PTPRM: variants seen among roughly 807,000 people sequenced by gnomAD.
PTPRM encodes the protein receptor-type tyrosine-protein phosphatase mu.
Under a neutral mutation model 186.7 loss-of-function variants are expected in PTPRM, and 47 were observed. That is an observed-to-expected ratio of 0.25 (90% CI 0.20 to 0.32). The LOEUF (loss-of-function observed/expected upper bound fraction) is 0.32, where lower values mean the gene tolerates loss of function less well. Ranked by LOEUF, PTPRM falls within the 10% of genes least tolerant of loss-of-function variation. The pLI, the probability that PTPRM is intolerant of heterozygous loss-of-function variation, is 1.00. For missense variants in PTPRM, 1,494 were observed against 1,865.0 expected, an observed-to-expected ratio of 0.80 and a Z score of 3.66; for synonymous variants, 668 against 674.9, an observed-to-expected ratio of 0.99 and a Z score of 0.16.
Position 8,291,129 on chromosome 18 carries a change from C to T in PTPRM, c.2755-5239C>T, listed in dbSNP as rs1025902856. 2.0e-5 allele frequency among the ~76,000 whole-genome samples: 3 copies of T among 152,186 alleles called. No homozygotes were observed. The East Asian group carries it at 5.8e-4, about 29-fold the overall frequency. On this transcript the variant is annotated intron_variant, in intron 19 of 32. Transcript: ENST00000580170. ...ATGCTTTTAGCCTTGGTTCCCTCAG[C>T]CATCCCTCCTGCTCTCTCTCATTGG...
At chr18:7,733,271 G>T (rs975550978) in intron 1 of PTPRM, among the ~76,000 whole-genome samples, 1 of 151,932 alleles carries the variant, frequency 6.6e-6, no homozygotes, top group African/African-American at 2.4e-5. Flanking sequence ...GGTGTGTGTT[G>T]TTCTCCTCCT....
intron 3 of PTPRM, among the ~76,000 whole-genome samples, chr18:7,902,333 A>G (rs140578341): frequency 0.013 from 1,964 of 152,294 alleles, 20 homozygotes; most frequent in South Asian, 0.033. Flanking sequence ...CTGACAAGTC[A>G]TCTTGCTGGG....
In PTPRM at chr18:8,025,122, T is replaced by C. The variant is rs188158347; in HGVS notation, c.1133-44564T>C. Among the ~76,000 whole-genome samples, 217 of 152,318 alleles carry C rather than the reference T, an allele frequency of 1.4e-3. 1 individual carries two copies. Among genetic ancestry groups the C allele is most frequent in the South Asian group, 3.5e-3 (17 of 4,824 alleles). Reference sequence around the variant, plus strand: ...TCTTTTTATATTAGACATATTTTAATGGAACATGACCCAAAATGTGCATTT... The same window carrying C: ...TCTTTTTATATTAGACATATTTTAACGGAACATGACCCAAAATGTGCATTT... On this transcript the variant is annotated intron_variant, in intron 7 of 32. Transcript: ENST00000580170.
chr18:7,616,659 C>A (rs1462264384), intron 1 of PTPRM, among the ~76,000 whole-genome samples: 1 of 152,198 alleles, frequency 6.6e-6, no homozygotes, highest in Non-Finnish European at 1.5e-5. Context: ...CGCCTCTTTC[C>A]TCTTTGTCTC....
At chr18:7,997,481 T>A (rs1282685831) in intron 7 of PTPRM, among the ~76,000 whole-genome samples, 1 of 152,124 alleles carries the variant, frequency 6.6e-6, no homozygotes, top group Admixed American at 6.6e-5. Flanking sequence ...TGGGCAAATA[T>A]TTTTTGTTAA....
intron 13 of PTPRM, among the ~76,000 whole-genome samples, chr18:8,117,682 C>T (rs2092008397): frequency 6.6e-6 from 1 of 152,078 alleles, no homozygotes; most frequent in Admixed American, 6.6e-5. Context: ...CGTTTATGCA[C>T]CTAGATGAAT....
At chr18:8,117,257 G>A (rs1168096464) in intron 13 of PTPRM, among the ~76,000 whole-genome samples, 3 of 152,186 alleles carry the variant, frequency 2.0e-5, no homozygotes, top group Non-Finnish European at 4.4e-5. Context: ...TTAAAATGTA[G>A]AAGAGTTCAA....
At chr18:8,242,816 G>T (rs1011452178) in intron 14 of PTPRM, among the ~76,000 whole-genome samples, 2 of 152,170 alleles carry the variant, frequency 1.3e-5, no homozygotes, top group Non-Finnish European at 2.9e-5. Flanking sequence ...GCCTTACATT[G>T]CATTAGCAAT....
intron 7 of PTPRM, among the ~76,000 whole-genome samples, chr18:7,977,304 G>T (rs1304084292): frequency 6.6e-6 from 1 of 152,048 alleles, no homozygotes; most frequent in African/African-American, 2.4e-5. Context: ...GGCCAGGCTG[G>T]TCTCAAACTC....
At chr18:7,951,852 C>CT (rs774004997) in intron 6 of PTPRM, among the ~76,000 whole-genome samples, 15 of 152,096 alleles carry the variant, frequency 9.9e-5, no homozygotes, top group Non-Finnish European at 2.1e-4. Flanking sequence ...TAATTTAACA[C>CT]TTTTTTATAT....
intron 1 of PTPRM, among the ~76,000 whole-genome samples, chr18:7,719,427 G>A (rs2040406254): frequency 6.6e-6 from 1 of 152,110 alleles, no homozygotes; most frequent in South Asian, 2.1e-4. Context: ...GACATATTGG[G>A]TACAGTGTAC....
At chr18:7,874,173 A>G (rs1027311808) in intron 2 of PTPRM, among the ~76,000 whole-genome samples, 2 of 152,226 alleles carry the variant, frequency 1.3e-5, no homozygotes, top group Admixed American at 6.5e-5. Flanking sequence ...ATAAAGAAGT[A>G]TCCTGAGGGA....
At chr18:8,394,433 TA>T (rs556407953) in intron 31 of PTPRM, 42 bp from the exon 32 acceptor site, 10 of 1,583,422 alleles carry the variant, frequency 6.3e-6, no homozygotes, top group South Asian at 1.2e-5. Flanking sequence ...AGATGCAGTG[TA>T]AAGACAGACC....
chr18:8,303,593 T>G (rs1423756575), intron 20 of PTPRM, among the ~76,000 whole-genome samples: 1 of 152,004 alleles, frequency 6.6e-6, no homozygotes, highest in Non-Finnish European at 1.5e-5. Context: ...CACAATATGT[T>G]TAGGAAGGCA....
rs147073875 is a variant in PTPRM, at chr18:7,860,692, A to G, written c.197-27414A>G. Among the ~76,000 whole-genome samples the G allele has an allele frequency of 8.4e-3, 1,274 of 152,318 alleles. 13 individuals carry two copies. Among genetic ancestry groups the G allele is most frequent in the African/African-American group, 0.029 (1,224 of 41,576 alleles). On this transcript the variant is annotated intron_variant, in intron 2 of 32. Coordinates refer to ENST00000580170, the MANE Select transcript of PTPRM (RefSeq NM_001105244.2). ...CTTCTATTTAGCAGAAACATTAAAAACAAGGTTTGTCCAGTATGCAGGGAA... is the reference window on the plus strand; with the variant it reads ...CTTCTATTTAGCAGAAACATTAAAAGCAAGGTTTGTCCAGTATGCAGGGAA...
chr18:8,072,542 G>C (rs1372293504), intron 8 of PTPRM, among the ~76,000 whole-genome samples: 5 of 152,032 alleles, frequency 3.3e-5, no homozygotes, highest in African/African-American at 1.2e-4. Context: ...TTCAGAAAAG[G>C]CAGAGAGAAG....
At chr18:7,700,761 GA>G (rs887933591) in intron 1 of PTPRM, among the ~76,000 whole-genome samples, 3 of 151,640 alleles carry the variant, frequency 2.0e-5, no homozygotes, top group Admixed American at 6.6e-5. Context: ...GAGGCTGAGG[GA>G]GGAGGATTAC....
At chr18:8,142,628 A>G (rs1042753469) in intron 13 of PTPRM, among the ~76,000 whole-genome samples, 2 of 152,208 alleles carry the variant, frequency 1.3e-5, no homozygotes, top group Non-Finnish European at 2.9e-5. Context: ...GCTGGTTTAC[A>G]AACACTCCGA....
chr18:7,746,749 A>G (rs1446323157), intron 1 of PTPRM, among the ~76,000 whole-genome samples: 1 of 152,182 alleles, frequency 6.6e-6, no homozygotes. Context: ...TACAGGTGTG[A>G]GCCACTGCAC....
Sources: gnomAD v4.1 joint callset for allele counts (sites outside exome capture counted in the v4.1 genomes callset) on GRCh38, gnomAD v4.1.1 for gene constraint, MANE v1.5 for transcripts, NCBI Gene and HGNC (gene_info 2026-07-23, HGNC 2026-07-21) for gene names.